The following CFAP54 variants were observed in gnomAD, a reference collection of about 807,000 sequenced individuals.
CFAP54 encodes cilia and flagella associated protein 54, also known as cilia- and flagella-associated protein 54.
A neutral mutation model predicts 370.4 loss-of-function variants in CFAP54; 290 were observed. That is an observed-to-expected ratio of 0.78 (90% CI 0.71 to 0.86). CFAP54 has a LOEUF of 0.86. CFAP54 is among the 40% of genes least tolerant of loss of function. CFAP54 has a pLI of 0.00. For synonymous variants in CFAP54, 1,206 were observed against 1,236.5 expected, an observed-to-expected ratio of 0.98 and a Z score of 0.52; for missense variants, 3,399 against 3,528.7, an observed-to-expected ratio of 0.96 and a Z score of 0.93.
At chr12:96,529,264 T>C (rs1267566791) in intron 9 of CFAP54, among the ~76,000 whole-genome samples, 1 of 152,178 alleles carries the variant, frequency 6.6e-6, no homozygotes, top group Non-Finnish European at 1.5e-5. Context: ...TATATGTTGA[T>C]TAAGTTAAGC....
At chr12:96,807,122 A>T (rs1422032738) in intron 63 of CFAP54, among the ~76,000 whole-genome samples, 2 of 152,162 alleles carry the variant, frequency 1.3e-5, no homozygotes, top group African/African-American at 4.8e-5. Context: ...TTCTCTTGGT[A>T]CCACCCAAGG....
At chr12:96,576,344 A>G (rs1235818888) in intron 19 of CFAP54, among the ~76,000 whole-genome samples, 1 of 151,740 alleles carries the variant, frequency 6.6e-6, no homozygotes, top group African/African-American at 2.4e-5. Context: ...TAATAATGAT[A>G]AACATATAAG....
intron 50 of CFAP54, among the ~76,000 whole-genome samples, chr12:96,732,238 G>A (rs1483036772): frequency 6.6e-6 from 1 of 152,072 alleles, no homozygotes; most frequent in Non-Finnish European, 1.5e-5. Context: ...TGATTCTCCT[G>A]TCTCAGCTTC....
intron 63 of CFAP54, among the ~76,000 whole-genome samples, chr12:96,803,559 A>C (rs900365602): frequency 2.6e-5 from 4 of 152,114 alleles, no homozygotes; most frequent in Admixed American, 6.6e-5. Flanking sequence ...GATCTGCAGC[A>C]AAACTTCACC....
At chr12:96,730,830 A>G (rs948547580) in intron 50 of CFAP54, among the ~76,000 whole-genome samples, 6 of 152,228 alleles carry the variant, frequency 3.9e-5, no homozygotes, top group African/African-American at 1.4e-4. Flanking sequence ...TAAGCCTACA[A>G]GCTTTGACTG....
chr12:96,500,897 C>T lies in CFAP54; in HGVS notation c.381C>T (p.Asn127=), dbSNP rs963973032. The change falls in exon 2 of 68, where the codon AAC becomes AAT. Residue 127 remains asparagine, a synonymous_variant. Transcript: ENST00000524981. Reference sequence around the variant, plus strand: ...CCAGGCTGCCAGCAGACTATTACAACGAAAAGCTTCTGAAGGTTGGAGATA... The same window carrying T: ...CCAGGCTGCCAGCAGACTATTACAATGAAAAGCTTCTGAAGGTTGGAGATA... ...YAPRLPADYY[N]EKLLKVGDSL... 16 of 1,534,998 alleles carry T rather than the reference C, an allele frequency of 1.0e-5. No individual in the cohort carries two copies. The highest frequency in any genetic ancestry group is 1.4e-5 in the African/African-American group (1 of 72,992).
At chr12:96,504,355 C>A (rs1304539820) in intron 3 of CFAP54, among the ~76,000 whole-genome samples, 1 of 150,450 alleles carries the variant, frequency 6.6e-6, no homozygotes, top group East Asian at 2.0e-4. Context: ...ACTATTATCC[C>A]TATTTTACAG....
intron 42 of CFAP54, among the ~76,000 whole-genome samples, chr12:96,687,870 C>T (rs1003772668): frequency 2.0e-5 from 3 of 152,206 alleles, no homozygotes; most frequent in Admixed American, 6.5e-5. Flanking sequence ...CAGAGGGCAC[C>T]TCCGCTTCTC....
In CFAP54 at chr12:96,785,752, A is replaced by G. The variant is rs17025906; in HGVS notation, c.8455+862A>G. 9.5e-3 allele frequency among the ~76,000 whole-genome samples: 1,442 copies of G among 152,260 alleles called. 52 individuals are homozygous for G. In the East Asian group the frequency reaches 0.1, roughly 11 times the overall value. ...GCACTTCCCACAAGTGCCATGTCTT[A>G]CTGCTTTTCTGCCCTGGGCTTTCTT... On this transcript the variant is annotated intron_variant, in intron 61 of 67. Coordinates refer to ENST00000524981, the MANE Select transcript of CFAP54 (RefSeq NM_001306084.2).
At chr12:96,599,319 C>A (rs1055681296) in intron 26 of CFAP54, among the ~76,000 whole-genome samples, 1 of 152,086 alleles carries the variant, frequency 6.6e-6, no homozygotes, top group African/African-American at 2.4e-5. Context: ...TCATCCATGT[C>A]CCTGCAAAGG....
In CFAP54 at chr12:96,649,891, A is replaced by T. The variant is rs1453152401; in HGVS notation, c.4691A>T (p.Asp1564Val). 6.3e-7 allele frequency: 1 copy of T among 1,583,154 alleles called. No homozygotes were observed. The highest frequency in any genetic ancestry group is 1.1e-5 in the South Asian group (1 of 87,124). ...AKKRKANLPS[D>V]AEEFSTFINS... ...GTCATATCTTATTTTTGTACTGTAGATGCTGAAGAATTTTCTACATTTATT... is the reference window on the plus strand; with the variant it reads ...GTCATATCTTATTTTTGTACTGTAGTTGCTGAAGAATTTTCTACATTTATT... The change falls in exon 35 of 68, where the codon GAT becomes GTT. Residue 1564 changes from aspartate (D) to valine (V), a missense_variant and splice_region_variant. Physicochemically the swap from Asp to Val is radical, Grantham distance 152. This residue lies in a region of CFAP54 where 2,796 missense variants were observed against 2,869.7 expected (regional missense o/e 0.97). Transcript: ENST00000524981.
intron 30 of CFAP54, among the ~76,000 whole-genome samples, chr12:96,629,283 A>G (rs1040535011): frequency 6.6e-6 from 1 of 151,940 alleles, no homozygotes; most frequent in African/African-American, 2.4e-5. Context: ...CATATTCTCT[A>G]TTATACACTG....
intron 65 of CFAP54, among the ~76,000 whole-genome samples, chr12:96,823,392 G>A (rs915122439): frequency 6.6e-6 from 1 of 152,156 alleles, no homozygotes; most frequent in African/African-American, 2.4e-5. Flanking sequence ...GAACCTTAGT[G>A]CTTCCTTAAT....
chr12:96,707,540 A>G (rs1957559440), intron 47 of CFAP54, among the ~76,000 whole-genome samples: 1 of 152,144 alleles, frequency 6.6e-6, no homozygotes, highest in Admixed American at 6.6e-5. Context: ...AGAATGGGGT[A>G]GTGGCTGGAG....
intron 66 of CFAP54, among the ~76,000 whole-genome samples, chr12:96,843,478 A>C (rs1402816959): frequency 6.6e-6 from 1 of 152,224 alleles, no homozygotes; most frequent in Non-Finnish European, 1.5e-5. Context: ...AGGATAGAAC[A>C]AGCTTGCCAG....
chr12:96,857,821 T>C (rs1316688053), intron 66 of CFAP54, among the ~76,000 whole-genome samples: 2 of 152,152 alleles, frequency 1.3e-5, no homozygotes, highest in Admixed American at 1.3e-4. Flanking sequence ...GTTTCCTGAG[T>C]CCTCGCCAGC....
At position 96,744,168 on chromosome 12, in the gene CFAP54, T is replaced by A. The variant is rs1173918104; in HGVS notation, c.7684+22T>A. Reference sequence around the variant, plus strand: ...ATTGGTAAGAACATTTAAACTTATATTGCCCTAGAATAACTGATAAAACTT... The same window carrying A: ...ATTGGTAAGAACATTTAAACTTATAATGCCCTAGAATAACTGATAAAACTT... On this transcript the variant is annotated intron_variant, in intron 55 of 67. Coordinates refer to ENST00000524981, the MANE Select transcript of CFAP54 (RefSeq NM_001306084.2). The A allele has an allele frequency of 1.9e-6, 3 of 1,586,262 alleles. No homozygotes were observed. The African/African-American group carries it at 4.1e-5, about 21-fold the overall frequency.
intron 50 of CFAP54, among the ~76,000 whole-genome samples, chr12:96,725,819 A>G (rs1281642261): frequency 6.6e-6 from 1 of 152,028 alleles, no homozygotes; most frequent in African/African-American, 2.4e-5. Flanking sequence ...GGTTTGTCAT[A>G]GATAGCTCTT....
Position 96,753,744 on chromosome 12 carries a change from A to G in CFAP54, c.7686A>G (p.Gly2562=), listed in dbSNP as rs1010622110. 8.1e-6 allele frequency: 13 copies of G among 1,612,806 alleles called. No homozygotes were observed. Among genetic ancestry groups the G allele is most frequent in the African/African-American group, 8.0e-5 (6 of 74,844 alleles). Residue 2562 remains glycine (G), a splice_region_variant and synonymous_variant, in exon 56 of 68, where the codon GGA becomes GGG. Coordinates refer to ENST00000524981, the MANE Select transcript of CFAP54 (RefSeq NM_001306084.2). Reference sequence around the variant, plus strand: ...CCCACCGAACTGTTTTTCTTTTAGGACATACAGTGGCCAAGCAAGTATATT... The same window carrying G: ...CCCACCGAACTGTTTTTCTTTTAGGGCATACAGTGGCCAAGCAAGTATATT... ...MLLAKIKMRI[G]HTVAKQVYYK...
Sources: gnomAD v4.1 joint callset for allele counts (sites outside exome capture counted in the v4.1 genomes callset) on GRCh38, gnomAD v4.1.1 for gene constraint, gnomAD v4.1.1 regional missense constraint, MANE v1.5 for transcripts, NCBI Gene and HGNC (gene_info 2026-07-23, HGNC 2026-07-21) for gene names.